Variants in CCNY observed in about 807,000 individuals in gnomAD.
CCNY encodes the protein cyclin-Y.
Under a neutral mutation model 42.8 loss-of-function variants are expected in CCNY, and 19 were observed. That is an observed-to-expected ratio of 0.44 (90% CI 0.31 to 0.65). CCNY has a LOEUF of 0.65. CCNY is among the 30% of genes least tolerant of loss of function. The probability of loss-of-function intolerance (pLI) is 0.07; values close to 1 mark genes in which losing one functional copy is unlikely to be tolerated. For synonymous variants in CCNY, 165 were observed against 162.7 expected (o/e 1.01, Z -0.11); for missense variants, 370 against 437.3 (o/e 0.85, Z 1.37).
intron 7 of CCNY, among the ~76,000 whole-genome samples, chr10:35,542,560 T>TA (rs2135437400): frequency 6.6e-6 from 1 of 152,298 alleles, no homozygotes; most frequent in East Asian, 1.9e-4. Flanking sequence ...GAGTGCTTGT[T>TA]ACATCAGCCT....
At chr10:35,274,243 C>A (rs1295025020) in intron 3 of CCNY, among the ~76,000 whole-genome samples, 2 of 152,120 alleles carry the variant, frequency 1.3e-5, no homozygotes, top group Non-Finnish European at 2.9e-5. Flanking sequence ...AACCATCAGA[C>A]CTTGTGAGAC....
chr10:35,450,848 T>TGGGCTG (rs1312972308), intron 1 of CCNY, among the ~76,000 whole-genome samples: 1 of 151,882 alleles, frequency 6.6e-6, no homozygotes, highest in Non-Finnish European at 1.5e-5. Context: ...GATGGAGCAG[T>TGGGCTG]GGGCTGGGAG....
chr10:35,553,763 A>G lies in CCNY; in HGVS notation c.746+578A>G, dbSNP rs115063291. On this transcript the variant is annotated intron_variant, in intron 8 of 9. Transcript: ENST00000374704. ...GGCATCGCCCTTGGGGGTTGTGGGGACTGAGAGCTGTCCACTCCCCTCACT... is the reference window on the plus strand; with the variant it reads ...GGCATCGCCCTTGGGGGTTGTGGGGGCTGAGAGCTGTCCACTCCCCTCACT... Among the ~76,000 whole-genome samples, 1,161 of 151,792 alleles carry G rather than the reference A, an allele frequency of 7.6e-3. 13 individuals are homozygous for G. Among genetic ancestry groups the G allele is most frequent in the African/African-American group, 0.027 (1,110 of 41,370 alleles).
chr10:35,364,463 T>A (rs980759634), intron 1 of CCNY, among the ~76,000 whole-genome samples: 1 of 152,242 alleles, frequency 6.6e-6, no homozygotes, highest in Non-Finnish European at 1.5e-5. Flanking sequence ...TGTATGTTTT[T>A]AAATTAGTTT....
chr10:35,306,376 C>T lies in CCNY; in HGVS notation c.-9+55750C>T, dbSNP rs1008793285. On this transcript the variant is annotated intron_variant, in intron 3 of 11. Coordinates refer to the CCNY transcript ENST00000374706. ...TCATTCAGCACAGCATGGAAGTTGG[C>T]GCCAGGCATCTTGCTTCTTTGTACA... is the stretch of plus-strand genomic sequence containing the variant. 2.6e-5 allele frequency among the ~76,000 whole-genome samples: 4 copies of T among 152,156 alleles called. No homozygotes were observed. The East Asian group carries it at 5.8e-4, about 22-fold the overall frequency.
In CCNY at chr10:35,336,932, C is replaced by G. The variant is rs1792782490; in HGVS notation, c.-122C>G. 1.6e-6 allele frequency: 1 copy of G among 634,996 alleles called. No individual in the cohort carries two copies. Among genetic ancestry groups the G allele is most frequent in the South Asian group, 7.0e-5 (1 of 14,388 alleles). The allele number at this position is 634,996 out of a possible 1,614,324, so 39.3% of individuals were successfully genotyped here. Reference sequence around the variant, plus strand: ...GGCCGGCCGCCGTTCCGCCCCCTCCCGTGGCGGCGAGCGGGCGGGCCTCCC... The same window carrying G: ...GGCCGGCCGCCGTTCCGCCCCCTCCGGTGGCGGCGAGCGGGCGGGCCTCCC... On this transcript the variant is annotated 5_prime_UTR_variant, in exon 1 of 10. Coordinates refer to ENST00000374704, the MANE Select transcript of CCNY (RefSeq NM_145012.6).
At chr10:35,283,601 C>T (rs1295967707) in intron 3 of CCNY, among the ~76,000 whole-genome samples, 4 of 152,086 alleles carry the variant, frequency 2.6e-5, no homozygotes, top group African/African-American at 9.7e-5. Flanking sequence ...GATGGGGTTT[C>T]ACTGTGTTAG....
chr10:35,362,740 G>T (rs549477327), intron 1 of CCNY, among the ~76,000 whole-genome samples: 27 of 144,238 alleles, frequency 1.9e-4, no homozygotes, highest in Admixed American at 1.1e-3. Flanking sequence ...TCCCAGACGG[G>T]GCTGCGGCCA....
At chr10:35,286,318 C>T (rs1835353954) in intron 3 of CCNY, among the ~76,000 whole-genome samples, 1 of 151,188 alleles carries the variant, frequency 6.6e-6, no homozygotes, top group African/African-American at 2.4e-5. Context: ...CTATGATATA[C>T]ATACTTAACT....
chr10:35,478,498 A>G (rs1421723769), intron 1 of CCNY, among the ~76,000 whole-genome samples: 1 of 152,142 alleles, frequency 6.6e-6, no homozygotes, highest in Non-Finnish European at 1.5e-5. Context: ...ATCTACAACT[A>G]TCTGATCTTT....
intron 1 of CCNY, among the ~76,000 whole-genome samples, chr10:35,469,822 AGATGGAGAGACAGGGC>A (rs1839350235): frequency 6.6e-6 from 1 of 150,842 alleles, no homozygotes; most frequent in Admixed American, 6.6e-5. Flanking sequence ...AGAGATAGGG[AGATGGAGAGACAGGGC>A]GATGGAGAGA....
At chr10:35,406,882 C>T (rs1837789719) in intron 1 of CCNY, among the ~76,000 whole-genome samples, 2 of 152,012 alleles carry the variant, frequency 1.3e-5, no homozygotes, top group Admixed American at 6.6e-5. Flanking sequence ...ACCTCCGTCC[C>T]CGTCGGGGCG....
chr10:35,282,111 ACC>A (rs1433664088), intron 3 of CCNY, among the ~76,000 whole-genome samples: 1 of 91,426 alleles, frequency 1.1e-5, no homozygotes, highest in South Asian at 3.2e-4. Flanking sequence ...CCTCATCTAC[ACC>A]CTTTTTTTTT....
At chr10:35,428,418 G>T (rs1057465088) in intron 1 of CCNY, among the ~76,000 whole-genome samples, 7 of 152,368 alleles carry the variant, frequency 4.6e-5, no homozygotes, top group East Asian at 1.9e-4. Flanking sequence ...TCCAGGAACT[G>T]CAGGAAAGCC....
intron 1 of CCNY, among the ~76,000 whole-genome samples, chr10:35,411,535 A>G (rs1041317221): frequency 1.3e-5 from 2 of 150,312 alleles, no homozygotes; most frequent in African/African-American, 2.4e-5. Context: ...AAAAAAAAAA[A>G]GATTTAGCAG....
chr10:35,502,457 C>T (rs1342820022), intron 3 of CCNY, among the ~76,000 whole-genome samples: 1 of 152,196 alleles, frequency 6.6e-6, no homozygotes, highest in East Asian at 1.9e-4. Flanking sequence ...GTTGTATTCT[C>T]TGCCCTTTGA....
rs369516434 is a variant in CCNY at position 35,291,302 on chromosome 10, C to T, written c.-9+40676C>T. Among the ~76,000 whole-genome samples the T allele has an allele frequency of 3.7e-3, 556 of 152,136 alleles. 29 individuals carry two copies. The South Asian group carries it at 0.1, about 28-fold the overall frequency. On this transcript the variant is annotated intron_variant, in intron 3 of 11. Transcript: ENST00000374706. ...GATTACAGGTGTGAGTCATTCCCGG[C>T]CTAATATGAGGTCTTTTAAAGCTAG...
intron 1 of CCNY, among the ~76,000 whole-genome samples, chr10:35,420,315 G>C (rs1428289295): frequency 2.6e-5 from 4 of 152,170 alleles, no homozygotes; most frequent in African/African-American, 9.7e-5. Context: ...GAGCAGTGGA[G>C]GTGGAGTGGG....
chr10:35,446,769 G>A (rs114909572), intron 1 of CCNY, among the ~76,000 whole-genome samples: 3,498 of 152,288 alleles, frequency 0.023, 131 homozygotes, highest in African/African-American at 0.079. Context: ...GATCTGTGGG[G>A]CTGATGGCCC....
Sources: allele counts gnomAD v4.1 joint callset (sites outside exome capture counted in the v4.1 genomes callset), GRCh38; gene constraint gnomAD v4.1.1; transcripts MANE v1.5; gene names NCBI Gene and HGNC (gene_info 2026-07-23, HGNC 2026-07-21).